Variants in CSRNP3 observed in about 807,000 individuals in gnomAD.
CSRNP3 encodes cysteine and serine rich nuclear protein 3.
Under a neutral mutation model 48.0 loss-of-function variants are expected in CSRNP3, and 12 were observed. The ratio of observed to expected loss-of-function variants is 0.25; its 90% CI spans 0.16 to 0.41. The LOEUF (loss-of-function observed/expected upper bound fraction) is 0.41, where lower values mean the gene tolerates loss of function less well. Ranked by LOEUF, CSRNP3 falls within the 10% of genes least tolerant of loss-of-function variation. The probability of loss-of-function intolerance (pLI) is 1.00; values close to 1 mark genes in which losing one functional copy is unlikely to be tolerated. For synonymous variants in CSRNP3, 263 were observed against 269.7 expected (o/e 0.98, Z 0.24); for missense variants, 580 against 724.4 (o/e 0.80, Z 2.29).
chr2:165,679,981 C>A lies in CSRNP3; in HGVS notation c.*228C>A. 2 of 589,488 alleles carry A rather than the reference C, an allele frequency of 3.4e-6. No individual in the cohort carries two copies. Among genetic ancestry groups the A allele is most frequent in the Non-Finnish European group, 5.6e-6 (2 of 359,414 alleles). The allele number at this position is 589,488 out of a possible 1,614,324, so 36.5% of individuals were successfully genotyped here. On this transcript the variant is annotated 3_prime_UTR_variant, in exon 7 of 7. Transcript: ENST00000651982. ...TTTCAGACTGTTTTGATAGAAAAAG[C>A]TAAATTTTAAAATGCATATCTCACA...
chr2:165,575,607 A>T (rs945127003), intron 3 of CSRNP3, among the ~76,000 whole-genome samples: 3 of 152,072 alleles, frequency 2.0e-5, no homozygotes, highest in African/African-American at 7.2e-5. Context: ...TTGCCCTGAA[A>T]AGAGGGAGTT....
intron 3 of CSRNP3, among the ~76,000 whole-genome samples, chr2:165,557,574 T>G (rs1396436933): frequency 6.6e-6 from 1 of 152,218 alleles, no homozygotes; most frequent in Admixed American, 6.5e-5. Context: ...TAGACCAGTT[T>G]GTTGGTGCTG....
chr2:165,629,809 CTTT>C (rs989727129), intron 4 of CSRNP3, among the ~76,000 whole-genome samples: 1 of 152,084 alleles, frequency 6.6e-6, no homozygotes, highest in East Asian at 1.9e-4. Flanking sequence ...GATCTCCCTG[CTTT>C]TTTTCCCCTT....
At chr2:165,603,523 T>A (rs1685952396) in intron 4 of CSRNP3, among the ~76,000 whole-genome samples, 1 of 152,040 alleles carries the variant, frequency 6.6e-6, no homozygotes, top group African/African-American at 2.4e-5. Context: ...ACTTCCTTCC[T>A]CTCCTCATCC....
rs1685322456 is a variant in CSRNP3, at chr2:165,568,196, C to T, written c.-23-26847C>T. Among the ~76,000 whole-genome samples the T allele has an allele frequency of 2.0e-5, 3 of 152,132 alleles. No individual in the cohort carries two copies. The South Asian group carries it at 6.2e-4, about 32-fold the overall frequency. Reference sequence around the variant, plus strand: ...TCAGATCTCAGCTGCTGCCCCAGTGCTCCACCAGGCTAGCCTCTCCTCAAC... The same window carrying T: ...TCAGATCTCAGCTGCTGCCCCAGTGTTCCACCAGGCTAGCCTCTCCTCAAC... On this transcript the variant is annotated intron_variant, in intron 3 of 6. Coordinates refer to ENST00000651982, the MANE Select transcript of CSRNP3 (RefSeq NM_001172173.2).
chr2:165,597,678 A>C (rs572238770), intron 4 of CSRNP3, among the ~76,000 whole-genome samples: 29 of 152,274 alleles, frequency 1.9e-4, no homozygotes, highest in African/African-American at 6.7e-4. Context: ...TATTGGAAAA[A>C]ATATTTACAT....
chr2:165,623,494 TGCCAAAAA>T (rs1462009757), intron 4 of CSRNP3, among the ~76,000 whole-genome samples: 2 of 152,146 alleles, frequency 1.3e-5, no homozygotes. Flanking sequence ...CAGTCCCTGG[TGCCAAAAA>T]GGTTGGGGAC....
intron 4 of CSRNP3, among the ~76,000 whole-genome samples, chr2:165,655,223 A>AT (rs1245501862): frequency 6.6e-6 from 1 of 152,176 alleles, no homozygotes; most frequent in East Asian, 1.9e-4. Context: ...CAGAGGTAGT[A>AT]TGATGCCAAA....
chr2:165,562,058 A>G (rs1459878773), intron 3 of CSRNP3, among the ~76,000 whole-genome samples: 1 of 152,148 alleles, frequency 6.6e-6, no homozygotes, highest in Non-Finnish European at 1.5e-5. Context: ...AAGTAGTATT[A>G]TGTATTTGCT....
At chr2:165,543,743 A>G (rs1684987480) in intron 3 of CSRNP3, among the ~76,000 whole-genome samples, 1 of 152,136 alleles carries the variant, frequency 6.6e-6, no homozygotes, top group African/African-American at 2.4e-5. Flanking sequence ...CATACAATGC[A>G]TAATAATAGC....
intron 5 of CSRNP3, among the ~76,000 whole-genome samples, chr2:165,675,527 G>C (rs1687409395): frequency 6.6e-6 from 1 of 152,204 alleles, no homozygotes; most frequent in African/African-American, 2.4e-5. Context: ...GATTAATTTA[G>C]AGAAGAAATA....
At chr2:165,623,076 A>C (rs540020285) in intron 4 of CSRNP3, among the ~76,000 whole-genome samples, 1 of 152,216 alleles carries the variant, frequency 6.6e-6, no homozygotes, top group Non-Finnish European at 1.5e-5. Context: ...TATTTAAAAC[A>C]TAAATAAATA....
At chr2:165,482,089 A>G (rs1684051768) in intron 1 of CSRNP3, among the ~76,000 whole-genome samples, 1 of 152,056 alleles carries the variant, frequency 6.6e-6, no homozygotes. Flanking sequence ...ATAAAAATAG[A>G]AGAAAAAAAT....
chr2:165,565,856 T>A (rs1486269070), intron 3 of CSRNP3, among the ~76,000 whole-genome samples: 1 of 152,102 alleles, frequency 6.6e-6, no homozygotes, highest in Non-Finnish European at 1.5e-5. Context: ...ATAGTTTTCT[T>A]ACATGAGCAT....
chr2:165,638,801 C>G (rs1168361323), intron 4 of CSRNP3, among the ~76,000 whole-genome samples: 1 of 152,020 alleles, frequency 6.6e-6, no homozygotes, highest in East Asian at 1.9e-4. Context: ...TTAAATTTTG[C>G]TCATCAATTG....
At position 165,619,746 on chromosome 2, in the gene CSRNP3, G is replaced by C. The variant is rs1686309339; in HGVS notation, c.148+24533G>C. Among the ~76,000 whole-genome samples the C allele has an allele frequency of 2.0e-5, 3 of 152,124 alleles. No homozygotes were observed. In the South Asian group the frequency reaches 6.2e-4, roughly 31 times the overall value. On this transcript the variant is annotated intron_variant, in intron 4 of 6. Transcript: ENST00000651982. Reference sequence around the variant, plus strand: ...TTTCCCTAGTAGTCAGTCTGACAAAGATAATGAATTAAATATATAACCACC... The same window carrying C: ...TTTCCCTAGTAGTCAGTCTGACAAACATAATGAATTAAATATATAACCACC...
In CSRNP3 at chr2:165,678,914, C is replaced by A. The variant is rs554841072; in HGVS notation, c.919C>A (p.His307Asn). 1 of 1,613,998 alleles carries A rather than the reference C, an allele frequency of 6.2e-7. No homozygotes were observed. Among genetic ancestry groups the A allele is most frequent in the Admixed American group, 1.7e-5 (1 of 59,998 alleles). The change falls in exon 7 of 7, where the codon CAC becomes AAC. Residue 307 changes from histidine (H) to asparagine (N), a missense_variant. Coordinates refer to ENST00000651982, the MANE Select transcript of CSRNP3 (RefSeq NM_001172173.2). ...CAGTAGTTCTATGGGCCCTGTCGCT[C>A]ACTCCGTAGAATATTCAATCGCAGA... ...AHSSSMGPVAHSVEYSIADSF... is the reference protein window; with the variant it reads ...AHSSSMGPVANSVEYSIADSF...
chr2:165,551,589 A>G (rs1477067501), intron 3 of CSRNP3, among the ~76,000 whole-genome samples: 1 of 152,194 alleles, frequency 6.6e-6, no homozygotes, highest in African/African-American at 2.4e-5. Context: ...TTCCTGTCTA[A>G]TTCTAGCTGT....
chr2:165,657,520 A>G (rs1165490091), intron 4 of CSRNP3, among the ~76,000 whole-genome samples: 2 of 152,212 alleles, frequency 1.3e-5, no homozygotes, highest in Non-Finnish European at 2.9e-5. Flanking sequence ...TTAGATTATC[A>G]TTATACTTAA....
Sources: gnomAD v4.1 joint callset for allele counts (sites outside exome capture counted in the v4.1 genomes callset) on GRCh38, gnomAD v4.1.1 for gene constraint, MANE v1.5 for transcripts, NCBI Gene and HGNC (gene_info 2026-07-23, HGNC 2026-07-21) for gene names.